TTLL7: variants seen among roughly 807,000 people sequenced by gnomAD.
TTLL7 encodes the protein tubulin tyrosine ligase like 7, also known as tubulin polyglutamylase TTLL7.
Under a neutral mutation model 120.2 loss-of-function variants are expected in TTLL7, and 53 were observed. That is an observed-to-expected ratio of 0.44 (90% CI 0.35 to 0.55). The LOEUF (loss-of-function observed/expected upper bound fraction) is 0.55. TTLL7 is among the 20% of genes least tolerant of loss of function. The probability of loss-of-function intolerance (pLI) is 0.00; values close to 1 mark genes in which losing one functional copy is unlikely to be tolerated. For missense variants in TTLL7, 803 were observed against 1,054.7 expected (o/e 0.76, Z 3.31); for synonymous variants, 353 against 351.7 (o/e 1.00, Z -0.04).
chr1:83,875,472 A>C (rs1653843679), intron 20 of TTLL7, among the ~76,000 whole-genome samples: 1 of 151,892 alleles, frequency 6.6e-6, no homozygotes, highest in Non-Finnish European at 1.5e-5. Context: ...TTTAGCTATT[A>C]TGAGTAAATG....
intron 19 of TTLL7, among the ~76,000 whole-genome samples, chr1:83,884,880 AAAAT>A (rs1654852906): frequency 6.6e-6 from 1 of 151,914 alleles, no homozygotes; most frequent in African/African-American, 2.4e-5. Context: ...TAATAATAAT[AAAAT>A]AAAATAAAAT....
chr1:83,921,682 A>G (rs1037051707), intron 10 of TTLL7, among the ~76,000 whole-genome samples: 1 of 152,120 alleles, frequency 6.6e-6, no homozygotes, highest in Admixed American at 6.6e-5. Context: ...ATTTACCACT[A>G]TACAATCTTG....
intron 15 of TTLL7, among the ~76,000 whole-genome samples, chr1:83,910,225 T>G (rs138453060): frequency 6.6e-6 from 1 of 152,146 alleles, no homozygotes; most frequent in Non-Finnish European, 1.5e-5. Flanking sequence ...TTTTAAAATA[T>G]CCACATTATC....
intron 1 of TTLL7, among the ~76,000 whole-genome samples, chr1:83,962,458 A>T (rs1371286217): frequency 6.6e-6 from 1 of 152,118 alleles, no homozygotes; most frequent in African/African-American, 2.4e-5. Flanking sequence ...TAAATCTTAA[A>T]TATGTAACAT....
intron 1 of TTLL7, among the ~76,000 whole-genome samples, chr1:83,966,546 T>A (rs1650478689): frequency 2.0e-5 from 3 of 151,990 alleles, no homozygotes; most frequent in African/African-American, 7.2e-5. Flanking sequence ...TATACCAACC[T>A]AAATATAACC....
intron 20 of TTLL7, among the ~76,000 whole-genome samples, chr1:83,873,305 A>G (rs756524533): frequency 1.3e-5 from 2 of 152,210 alleles, no homozygotes; most frequent in Admixed American, 6.5e-5. Flanking sequence ...GGGAAATACA[A>G]TGGATTATTT....
intron 1 of TTLL7, among the ~76,000 whole-genome samples, chr1:83,995,504 C>T (rs1371698437): frequency 2.0e-5 from 3 of 151,872 alleles, no homozygotes; most frequent in African/African-American, 7.3e-5. Context: ...GCCTGCTCCC[C>T]CTTCCCCTTC....
At chr1:83,906,584 A>G in intron 16 of TTLL7, 121 bp from the exon 17 acceptor site, 2 of 1,446,058 alleles carry the variant, frequency 1.4e-6, no homozygotes, top group Non-Finnish European at 1.9e-6. Context: ...ACAATGAAAA[A>G]GGAAGAAAAT....
chr1:83,951,760 C>A (rs1649076800), intron 3 of TTLL7, 85 bp downstream of exon 3: 3 of 1,428,624 alleles, frequency 2.1e-6, no homozygotes, highest in Admixed American at 4.9e-5. Flanking sequence ...TAAGTTATCT[C>A]TTTGGATTTC....
At chr1:83,889,017 A>G (rs772110112) in intron 19 of TTLL7, among the ~76,000 whole-genome samples, 1 of 152,030 alleles carries the variant, frequency 6.6e-6, no homozygotes, top group Non-Finnish European at 1.5e-5. Flanking sequence ...ATAATGATGT[A>G]TTAGTCCATT....
intron 18 of TTLL7, among the ~76,000 whole-genome samples, chr1:83,891,355 A>G (rs572853820): frequency 9.9e-5 from 15 of 152,222 alleles, no homozygotes; most frequent in African/African-American, 2.9e-4. Context: ...TAAAGAACAA[A>G]AATTAAGGCT....
chr1:83,906,390 TTG>T lies in TTLL7; in HGVS notation c.2064_2065del (p.Lys689ArgfsTer23). 1 of 1,612,594 alleles carries T rather than the reference TTG, an allele frequency of 6.2e-7. No homozygotes were observed. The highest frequency in any genetic ancestry group is 8.5e-7 in the Non-Finnish European group (1 of 1,179,114). On this transcript the variant is annotated frameshift_variant, in exon 17 of 21. Coordinates refer to ENST00000260505, the MANE Select transcript of TTLL7 (RefSeq NM_024686.6). LOFTEE classifies it high-confidence loss of function. ...TCCTGGAAACCGGATCTTCATGTCT[TTG>T]AGAACAAATAAGGTCTGACTTGTTA...
At chr1:83,928,461 G>C (rs1335365086) in intron 10 of TTLL7, among the ~76,000 whole-genome samples, 1 of 152,070 alleles carries the variant, frequency 6.6e-6, no homozygotes, top group African/African-American at 2.4e-5. Flanking sequence ...TTTGTAATGA[G>C]CCAAAAGCTT....
In TTLL7 at chr1:83,973,637, T is replaced by C. The variant is rs552647953; in HGVS notation, c.-176-21250A>G. Reference sequence around the variant, plus strand: ...GCTGAAATTTTGGGAATGCAATGAATCTATAGATCAAGTTGAGAATAATGG... The same window carrying C: ...GCTGAAATTTTGGGAATGCAATGAACCTATAGATCAAGTTGAGAATAATGG... On this transcript the variant is annotated intron_variant, in intron 1 of 20. Transcript: ENST00000260505. 1.5e-4 allele frequency among the ~76,000 whole-genome samples: 23 copies of C among 152,176 alleles called. No homozygotes were observed. The South Asian group carries it at 3.1e-3, about 21-fold the overall frequency.
intron 8 of TTLL7, among the ~76,000 whole-genome samples, chr1:83,934,033 C>G (rs1323459010): frequency 6.6e-6 from 1 of 152,124 alleles, no homozygotes. Flanking sequence ...TAATCTTTCC[C>G]CTATATTCCC....
chr1:83,977,084 T>G (rs2100589188), intron 1 of TTLL7, among the ~76,000 whole-genome samples: 1 of 152,004 alleles, frequency 6.6e-6, no homozygotes, highest in East Asian at 1.9e-4. Context: ...TATATACATA[T>G]ATAGCTTTGA....
At chr1:83,929,090 G>C (rs1175768038) in intron 10 of TTLL7, 46 bp downstream of exon 10, 2 of 1,268,520 alleles carry the variant, frequency 1.6e-6, no homozygotes, top group Non-Finnish European at 2.2e-6. Flanking sequence ...ATTAATCTAT[G>C]TCAAATGTGG....
intron 1 of TTLL7, among the ~76,000 whole-genome samples, chr1:83,968,515 C>T (rs1428446655): frequency 6.6e-6 from 1 of 152,042 alleles, no homozygotes; most frequent in Non-Finnish European, 1.5e-5. Context: ...CAGCTAAATT[C>T]CAAGCTGAAG....
Position 83,948,869 on chromosome 1 carries a change from G to A in TTLL7, c.280-174C>T, listed in dbSNP as rs1648759617. On this transcript the variant is annotated intron_variant, in intron 4 of 20. Coordinates refer to ENST00000260505, the MANE Select transcript of TTLL7 (RefSeq NM_024686.6). ...GTGAATTTGTAGAATTAAAGAGTAT[G>A]GTAATCAGAGAATAAAACTGCAAAA... The A allele has an allele frequency of 5.1e-5, 23 of 448,458 alleles. No homozygotes were observed. In the South Asian group the frequency reaches 7.9e-4, roughly 15 times the overall value. 27.8% of individuals were successfully genotyped at this position (448,458 alleles called of 1,614,324 possible).
Sources: allele counts gnomAD v4.1 joint callset (sites outside exome capture counted in the v4.1 genomes callset), GRCh38; gene constraint gnomAD v4.1.1; transcripts MANE v1.5; gene names NCBI Gene and HGNC (gene_info 2026-07-23, HGNC 2026-07-21).